TPR: variants seen among roughly 807,000 people sequenced by gnomAD.
TPR encodes the protein translocated promoter region, nuclear basket protein, also known as nucleoprotein TPR.
A neutral mutation model predicts 316.1 loss-of-function variants in TPR; 51 were observed. The observed-to-expected ratio is 0.16, with a 90% CI of 0.13 to 0.20. The LOEUF (loss-of-function observed/expected upper bound fraction) is 0.20. TPR is among the 10% of genes least tolerant of loss of function. TPR has a pLI of 1.00. For missense variants in TPR, 2,272 were observed against 2,754.8 expected, an observed-to-expected ratio of 0.82 and a Z score of 3.92; for synonymous variants, 981 against 914.7, an observed-to-expected ratio of 1.07 and a Z score of -1.31.
intron 22 of TPR, among the ~76,000 whole-genome samples, chr1:186,346,627 T>G (rs1658687775): frequency 6.6e-6 from 1 of 152,192 alleles, no homozygotes. Context: ...TTATTTACAA[T>G]GATGTCAACC....
intron 14 of TPR, among the ~76,000 whole-genome samples, chr1:186,356,709 T>C (rs1281297617): frequency 3.3e-5 from 5 of 152,186 alleles, no homozygotes; most frequent in Non-Finnish European, 7.3e-5. Flanking sequence ...CAAACTCTAG[T>C]CTTCTTGCTT....
At chr1:186,361,563 T>C in intron 9 of TPR, 59 bp downstream of exon 9, 1 of 1,016,840 alleles carries the variant, frequency 9.8e-7, no homozygotes, top group East Asian at 3.3e-5. Flanking sequence ...AAAACAAGGG[T>C]AAAAAAAAAA....
At chr1:186,357,337 G>A in intron 14 of TPR, 60 bp downstream of exon 14, 2 of 1,544,666 alleles carry the variant, frequency 1.3e-6, no homozygotes, top group South Asian at 1.1e-5. Flanking sequence ...ATGAGACACT[G>A]AGCCTAGCTG....
rs1335918787 is a variant in TPR, at chr1:186,351,317, C to G, written c.2610+13G>C. 1.3e-6 allele frequency: 2 copies of G among 1,598,250 alleles called. No individual in the cohort carries two copies. The highest frequency in any genetic ancestry group is 3.5e-5 in the Admixed American group (2 of 57,522). On this transcript the variant is annotated intron_variant, in intron 20 of 50. Coordinates refer to ENST00000367478, the MANE Select transcript of TPR (RefSeq NM_003292.3). ...AAACACCCTACAGAAATTCAGAACT[C>G]TGATGGACTCACATCTAGATTTCTA...
chr1:186,317,791 C>T (rs2102049068), intron 48 of TPR, among the ~76,000 whole-genome samples, 191 bp from the exon 49 acceptor site: 1 of 152,128 alleles, frequency 6.6e-6, no homozygotes. Context: ...TTGTTTTTTC[C>T]TCATTCCTTT....
At chr1:186,374,647 T>C (rs1659649772) in intron 1 of TPR, among the ~76,000 whole-genome samples, 1 of 152,218 alleles carries the variant, frequency 6.6e-6, no homozygotes, top group Admixed American at 6.5e-5. Flanking sequence ...CGTCCCTGTA[T>C]GAGCCTACCC....
At chr1:186,355,900 A>C in intron 15 of TPR, 132 bp from the exon 16 acceptor site, 1 of 1,117,088 alleles carries the variant, frequency 9.0e-7, no homozygotes, top group Non-Finnish European at 1.2e-6. Context: ...ATAAGATTAT[A>C]GGAGTTTTTA....
Position 186,375,206 on chromosome 1 carries a change from C to T in TPR, c.-178G>A. On this transcript the variant is annotated 5_prime_UTR_variant, in exon 1 of 51. Coordinates refer to ENST00000367478, the MANE Select transcript of TPR (RefSeq NM_003292.3). ...GGGACCCTGGGAAATCGAGTCCACC[C>T]TCAGCGGCAGCGTTTCAGCAACAGC... is the stretch of plus-strand genomic sequence containing the variant. The T allele has an allele frequency of 2.0e-6, 3 of 1,502,252 alleles. No homozygotes were observed. Among genetic ancestry groups the T allele is most frequent in the South Asian group, 1.3e-5 (1 of 79,302 alleles). 93.1% of individuals were successfully genotyped at this position (1,502,252 alleles called of 1,614,324 possible).
At chr1:186,341,695 C>T in intron 27 of TPR, 1 of 235,268 alleles carries the variant, frequency 4.3e-6, no homozygotes, top group Non-Finnish European at 8.1e-6. Context: ...TTTTTCCTTG[C>T]TGCACTAAAT....
In TPR at chr1:186,341,030, G is replaced by A. The variant is rs753930189; in HGVS notation, c.4018C>T (p.Gln1340Ter). The change falls in exon 29 of 51, where the codon CAG becomes TAG. Residue 1340 changes from glutamine (Q) to a stop codon, truncating the protein, a stop_gained and splice_region_variant. Transcript: ENST00000367478. LOFTEE classifies it high-confidence loss of function. ...EDVKRWKARNQHLVSQQKDPD... is the reference protein window; with the variant it reads ...EDVKRWKARN ...GGAAGAGTTTTAACTGCATTTACCT[G>A]GTTACGTGCTTTCCAACGTTTGACA... The A allele has an allele frequency of 6.2e-7, 1 of 1,613,226 alleles. No homozygotes were observed. The highest frequency in any genetic ancestry group is 1.3e-5 in the African/African-American group (1 of 74,934).
chr1:186,375,130 T>G lies in TPR; in HGVS notation c.-102A>C. On this transcript the variant is annotated 5_prime_UTR_variant, in exon 1 of 51. Coordinates refer to ENST00000367478, the MANE Select transcript of TPR (RefSeq NM_003292.3). ...CCAGACGCCTGGGCCGCCGCCTCTA[T>G]CACCTCGCTCGGTGGCTCGCGCGCG... 1 of 1,559,836 alleles carries G rather than the reference T, an allele frequency of 6.4e-7. No homozygotes were observed. The highest frequency in any genetic ancestry group is 8.7e-7 in the Non-Finnish European group (1 of 1,152,612).
In TPR at chr1:186,333,119, T is replaced by C. The variant is rs1245635960; in HGVS notation, c.5455+3A>G. ...TCTGACTTCATTTTAAAATTAATTT[T>C]ACCTGTGCCAAATACTGCTGTGGAA... On this transcript the variant is annotated splice_donor_region_variant and intron_variant, in intron 37 of 50. Coordinates refer to ENST00000367478, the MANE Select transcript of TPR (RefSeq NM_003292.3). 6.2e-7 allele frequency: 1 copy of C among 1,612,430 alleles called. No individual in the cohort carries two copies. Among genetic ancestry groups the C allele is most frequent in the Non-Finnish European group, 8.5e-7 (1 of 1,178,946 alleles).
chr1:186,368,789 T>G (rs1380403058), intron 3 of TPR, among the ~76,000 whole-genome samples: 1 of 152,240 alleles, frequency 6.6e-6, no homozygotes, highest in Non-Finnish European at 1.5e-5. Context: ...TTTTTGCAGC[T>G]TGAACTACTG....
chr1:186,348,842 G>GT (rs1341443394), intron 21 of TPR, among the ~76,000 whole-genome samples: 2 of 152,042 alleles, frequency 1.3e-5, no homozygotes, highest in East Asian at 3.9e-4. Context: ...AATTTTTATT[G>GT]TAAGTACATA....
intron 31 of TPR, 95 bp from the exon 32 acceptor site, chr1:186,337,251 A>T (rs1658366992): frequency 4.2e-6 from 6 of 1,420,958 alleles, no homozygotes; most frequent in Non-Finnish European, 4.7e-6. Context: ...AGCTTTGCAA[A>T]GAAATTTTAT....
At chr1:186,331,993 A>C (rs754198417) in intron 38 of TPR, among the ~76,000 whole-genome samples, 2 of 152,124 alleles carry the variant, frequency 1.3e-5, no homozygotes, top group Non-Finnish European at 2.9e-5. Context: ...AAACAAATGC[A>C]ATTAAAGATA....
chr1:186,343,562 A>G lies in TPR; in HGVS notation c.3603-89T>C, dbSNP rs754276001. On this transcript the variant is annotated intron_variant, in intron 26 of 50. Transcript: ENST00000367478. ...GTAATTTGGTAAGATGACAAAAATC[A>G]TTGACTTTAATAACTATTACACGTT... 955 of 1,205,846 alleles carry G rather than the reference A, an allele frequency of 7.9e-4. 3 individuals are homozygous for G. Among genetic ancestry groups the G allele is most frequent in the Admixed American group, 1.4e-3 (55 of 40,614 alleles). The allele number at this position is 1,205,846 out of a possible 1,614,324, so 74.7% of individuals were successfully genotyped here.
rs1005207535 is a variant in TPR at position 186,336,943 on chromosome 1, G to C, written c.4506+70C>G. The stretch of plus-strand genomic sequence containing the variant: ...TCCCACATGGTAAGACAAAGTGTCA[G>C]TAGTTAACACATATTTCTTTAGGTG... On this transcript the variant is annotated intron_variant, in intron 32 of 50. Coordinates refer to ENST00000367478, the MANE Select transcript of TPR (RefSeq NM_003292.3). 8 of 1,590,980 alleles carry C rather than the reference G, an allele frequency of 5.0e-6. No individual in the cohort carries two copies. The African/African-American group carries it at 1.1e-4, about 21-fold the overall frequency.
chr1:186,374,204 G>T (rs191352673), intron 1 of TPR, among the ~76,000 whole-genome samples: 1 of 152,152 alleles, frequency 6.6e-6, no homozygotes, highest in African/African-American at 2.4e-5. Context: ...TAATGGTAAT[G>T]ACTATATTCT....
Sources: gnomAD v4.1 joint callset for allele counts (sites outside exome capture counted in the v4.1 genomes callset) on GRCh38, gnomAD v4.1.1 for gene constraint, MANE v1.5 for transcripts, NCBI Gene and HGNC (gene_info 2026-07-23, HGNC 2026-07-21) for gene names.